Variants in PMS2 observed in about 807,000 individuals in gnomAD.
PMS2 encodes PMS1 homolog 2, mismatch repair system component.
Under a neutral mutation model 90.0 loss-of-function variants are expected in PMS2, and 69 were observed. That is an observed-to-expected ratio of 0.77 (90% CI 0.63 to 0.94). The LOEUF (loss-of-function observed/expected upper bound fraction) is 0.94. Ranked by LOEUF, PMS2 falls within the 40% of genes least tolerant of loss-of-function variation. PMS2 has a pLI of 0.00. For synonymous variants in PMS2, 332 were observed against 375.1 expected (o/e 0.89, Z 1.33); for missense variants, 966 against 1,040.2 (o/e 0.93, Z 0.98).
chr7:5,996,605 A>G (rs1784435514), intron 7 of PMS2, among the ~76,000 whole-genome samples: 1 of 133,238 alleles, frequency 7.5e-6, no homozygotes, highest in African/African-American at 2.9e-5. Context: ...ATATATATAT[A>G]TATATATACA....
Position 5,986,996 on chromosome 7 carries a change from A to G in PMS2, c.1769T>C (p.Ile590Thr), listed in dbSNP as rs1583315748. The change falls in exon 11 of 15, where the codon ATT becomes ACT. Residue 590 changes from isoleucine to threonine, a missense_variant. Physicochemically the swap from Ile to Thr is moderately conservative, Grantham distance 89. Coordinates refer to ENST00000265849, the MANE Select transcript of PMS2 (RefSeq NM_000535.7). Reference sequence around the variant, plus strand: ...CTGAGTATTTACTAACTTTTGACAAATGTCAGAACTGGAAAGAATTTCTTC... The same window carrying G: ...CTGAGTATTTACTAACTTTTGACAAGTGTCAGAACTGGAAAGAATTTCTTC... ...KKEEILSSSD[I>T]CQKLVNTQDM... 1 of 1,614,178 alleles carries G rather than the reference A, an allele frequency of 6.2e-7. No homozygotes were observed. The highest frequency in any genetic ancestry group is 8.5e-7 in the Non-Finnish European group (1 of 1,180,032).
intron 11 of PMS2, among the ~76,000 whole-genome samples, chr7:5,984,191 CCCA>C (rs1479501471): frequency 3.3e-5 from 5 of 151,828 alleles, no homozygotes; most frequent in Non-Finnish European, 7.3e-5. Context: ...AAGTCACACT[CCCA>C]CCAATGGTGT....
intron 4 of PMS2, among the ~76,000 whole-genome samples, chr7:6,002,901 A>T (rs1460924236): frequency 1.3e-5 from 2 of 152,208 alleles, no homozygotes; most frequent in African/African-American, 4.8e-5. Flanking sequence ...CAAAACCATA[A>T]ATGATCTTAA....
At chr7:5,986,275 A>T (rs1367640034) in intron 11 of PMS2, among the ~76,000 whole-genome samples, 1 of 151,554 alleles carries the variant, frequency 6.6e-6, no homozygotes, top group Non-Finnish European at 1.5e-5. Context: ...AGGTCTCCCT[A>T]TGTTGTCCAG....
At chr7:6,007,349 C>G (rs530609222) in intron 1 of PMS2, among the ~76,000 whole-genome samples, 1 of 152,234 alleles carries the variant, frequency 6.6e-6, no homozygotes, top group East Asian at 1.9e-4. Flanking sequence ...CTCCTGACCT[C>G]AGGTGATCCG....
chr7:5,997,566 A>G (rs1483307330), intron 6 of PMS2, 143 bp from the exon 7 acceptor site: 3 of 648,708 alleles, frequency 4.6e-6, no homozygotes, highest in Non-Finnish European at 8.3e-6. Flanking sequence ...GTTTTTTGAG[A>G]CAGGGTCTCC....
rs536790715 is a variant in PMS2 at position 5,984,763 on chromosome 7, C to T, written c.2007-1772G>A. Reference sequence around the variant, plus strand: ...TCGTGCCAGTGCACTCCAGCCTGGGCGAAAGAGTGAGACTCTTGTCTCAAA... The same window carrying T: ...TCGTGCCAGTGCACTCCAGCCTGGGTGAAAGAGTGAGACTCTTGTCTCAAA... On this transcript the variant is annotated intron_variant, in intron 11 of 14. Coordinates refer to ENST00000265849, the MANE Select transcript of PMS2 (RefSeq NM_000535.7). Among the ~76,000 whole-genome samples, 91 of 151,280 alleles carry T rather than the reference C, an allele frequency of 6.0e-4. 1 individual carries two copies. The highest frequency in any genetic ancestry group is 3.0e-3 in the Admixed American group (46 of 15,172).
rs2128827945 is a variant in PMS2 at position 6,003,807 on chromosome 7, A to T, written c.251-15T>A. ...ATGTTTCAGAGCTGAAAGAGAGTGT[A>T]AAGTAAGGACTAAGATATCTCAAGT... On this transcript the variant is annotated splice_polypyrimidine_tract_variant and intron_variant, in intron 3 of 14. Coordinates refer to ENST00000265849, the MANE Select transcript of PMS2 (RefSeq NM_000535.7). 1 of 1,537,500 alleles carries T rather than the reference A, an allele frequency of 6.5e-7. No individual in the cohort carries two copies. The highest frequency in any genetic ancestry group is 2.3e-5 in the East Asian group (1 of 44,314).
At chr7:6,002,279 G>C (rs1304927122) in intron 5 of PMS2, 174 bp downstream of exon 5, 13 of 605,374 alleles carry the variant, frequency 2.1e-5, no homozygotes, top group African/African-American at 1.9e-4. Context: ...AAAGAAAAAA[G>C]TAAATCATCC....
intron 9 of PMS2, 31 bp from the exon 10 acceptor site, chr7:5,989,986 G>GT (rs1463020704): frequency 1.5e-6 from 2 of 1,374,916 alleles, no homozygotes; most frequent in Non-Finnish European, 2.0e-6. Flanking sequence ...TATTTATTAT[G>GT]TTTAAATTCA....
chr7:5,998,868 G>A (rs568573019), intron 6 of PMS2, among the ~76,000 whole-genome samples: 24 of 151,482 alleles, frequency 1.6e-4, no homozygotes, highest in Middle Eastern at 3.4e-3. Flanking sequence ...GAGCATGCTT[G>A]TAATCCCACT....
chr7:6,000,712 C>G (rs1374278613), intron 5 of PMS2, among the ~76,000 whole-genome samples: 1 of 151,962 alleles, frequency 6.6e-6, no homozygotes, highest in Non-Finnish European at 1.5e-5. Context: ...AATTAGCAGC[C>G]AAGTGCAGTG....
At chr7:6,002,713 T>G in intron 4 of PMS2, 77 bp from the exon 5 acceptor site, 3 of 1,140,944 alleles carry the variant, frequency 2.6e-6, no homozygotes, top group Non-Finnish European at 4.0e-6. Flanking sequence ...TTTCTTCACT[T>G]GCTTTTCTCT....
In PMS2 at chr7:5,978,679, A is replaced by C. The variant is rs1060503110; in HGVS notation, c.2192T>G (p.Leu731Ter). Residue 731 changes from leucine (L) to a stop codon, truncating the protein, a stop_gained, in exon 13 of 15, where the codon TTA becomes TGA. Coordinates refer to ENST00000265849, the MANE Select transcript of PMS2 (RefSeq NM_000535.7). LOFTEE classifies it high-confidence loss of function. The stretch of plus-strand genomic sequence containing the variant: ...CAGAACAGCTTCATTAACAGCAGTT[A>C]AGTTGAGAGTCTGAGGTCTGAAAAA... Reference protein sequence around the residue: ...QRLIAPQTLNLTAVNEAVLIE... With the variant: ...QRLIAPQTLN 6.3e-7 allele frequency: 1 copy of C among 1,594,000 alleles called. No individual in the cohort carries two copies.
chr7:6,004,180 A>G lies in PMS2; in HGVS notation c.164-122T>C, dbSNP rs565923100. The stretch of plus-strand genomic sequence containing the variant: ...CATAACTATACCTTTAGTTAAACAT[A>G]CTAGTGTCATTTTGTATATTTCATT... On this transcript the variant is annotated intron_variant, in intron 2 of 14. Coordinates refer to ENST00000265849, the MANE Select transcript of PMS2 (RefSeq NM_000535.7). 14 of 657,982 alleles carry G rather than the reference A, an allele frequency of 2.1e-5. No homozygotes were observed. The African/African-American group carries it at 2.6e-4, about 12-fold the overall frequency. The allele number at this position is 657,982 out of a possible 1,614,324, so 40.8% of individuals were successfully genotyped here.
chr7:6,005,241 T>C (rs909917404), intron 2 of PMS2, among the ~76,000 whole-genome samples: 6 of 149,784 alleles, frequency 4.0e-5, no homozygotes, highest in East Asian at 4.0e-4. Context: ...AATCTTGCTC[T>C]GTCCCCAGGC....
intron 6 of PMS2, among the ~76,000 whole-genome samples, chr7:5,998,616 C>T (rs1016160568): frequency 8.6e-5 from 13 of 150,594 alleles, no homozygotes; most frequent in Admixed American, 3.3e-4. Context: ...ATTGCTTCAA[C>T]GCGGGAGGCA....
At chr7:5,993,279 G>C (rs960986545) in intron 8 of PMS2, among the ~76,000 whole-genome samples, 2 of 146,216 alleles carry the variant, frequency 1.4e-5, no homozygotes, top group Non-Finnish European at 1.5e-5. Flanking sequence ...GCTGAGGCAG[G>C]AGAATTGCTT....
chr7:5,999,265 T>C lies in PMS2; in HGVS notation c.548A>G (p.Lys183Arg). Residue 183 changes from lysine to arginine, a missense_variant, in exon 6 of 15, where the codon AAA (lysine) becomes AGA (arginine). Lys to Arg is a conservative substitution (Grantham distance 26). Coordinates refer to ENST00000265849, the MANE Select transcript of PMS2 (RefSeq NM_000535.7). ...GTATGCATGTAAGACCTGGACCATT[T>C]TGGCATACTCCTGTTTAAAAAACAC... ...FQRNIKKEYAKMVQVLHAYCI... is the reference protein window; with the variant it reads ...FQRNIKKEYARMVQVLHAYCI... 1.2e-6 allele frequency: 2 copies of C among 1,613,970 alleles called. No homozygotes were observed. The highest frequency in any genetic ancestry group is 1.7e-6 in the Non-Finnish European group (2 of 1,179,832).
Sources: gnomAD v4.1 joint callset for allele counts (sites outside exome capture counted in the v4.1 genomes callset) on GRCh38, gnomAD v4.1.1 for gene constraint, MANE v1.5 for transcripts, NCBI Gene and HGNC (gene_info 2026-07-23, HGNC 2026-07-21) for gene names.